The following COL8A1 variants were observed in gnomAD, a reference collection of about 807,000 sequenced individuals.
COL8A1 encodes the protein collagen alpha-1(VIII) chain.
COL8A1 carries 21 observed loss-of-function variants against 42.7 expected under a neutral mutation model. The observed-to-expected ratio is 0.49, with a 90% CI of 0.35 to 0.71. The LOEUF is 0.71. Ranked by LOEUF, COL8A1 falls within the 30% of genes least tolerant of loss-of-function variation. The probability of loss-of-function intolerance (pLI) is 0.01; values close to 1 mark genes in which losing one functional copy is unlikely to be tolerated. For missense variants in COL8A1, 788 were observed against 962.4 expected (o/e 0.82, Z 2.40); for synonymous variants, 367 against 369.1 (o/e 0.99, Z 0.06).
At chr3:99,762,797 C>A (rs1405389233) in intron 2 of COL8A1, among the ~76,000 whole-genome samples, 1 of 152,220 alleles carries the variant, frequency 6.6e-6, no homozygotes, top group Non-Finnish European at 1.5e-5. Context: ...AGAGCATGGT[C>A]GAGGAGTGTG....
Position 99,737,187 on chromosome 3 carries a change from G to A in COL8A1, c.-128-7710G>A, listed in dbSNP as rs574266449. Among the ~76,000 whole-genome samples the A allele has an allele frequency of 2.4e-3, 359 of 152,232 alleles. 1 individual carries two copies. Among genetic ancestry groups the A allele is most frequent in the South Asian group, 4.2e-3 (20 of 4,816 alleles). On this transcript the variant is annotated intron_variant, in intron 1 of 3. Coordinates refer to ENST00000652472, the MANE Select transcript of COL8A1 (RefSeq NM_020351.4). ...CTGATGCGACTTGACTCTTTATCCA[G>A]TTTGCCAGTCTGTGTCTTTTAATTG...
rs773257576 is a variant in COL8A1 at position 99,794,129 on chromosome 3, C to T, written c.329-101C>T. On this transcript the variant is annotated intron_variant, in intron 3 of 3. Coordinates refer to ENST00000652472, the MANE Select transcript of COL8A1 (RefSeq NM_020351.4). This position sits in a 1 kb window ranked among gnomAD's most constrained non-coding sequence, Gnocchi z 4.3. The stretch of plus-strand genomic sequence containing the variant: ...TAAGTATTAGGCAAATGTGTCAGAA[C>T]TAAATAATGGTTGTCAGTACTTCAT... The T allele has an allele frequency of 2.7e-6, 2 of 728,954 alleles. No individual in the cohort carries two copies. The highest frequency in any genetic ancestry group is 4.5e-6 in the Non-Finnish European group (2 of 445,780). 45.2% of individuals were successfully genotyped at this position (728,954 alleles called of 1,614,324 possible). A position where few individuals can be genotyped will look rare whatever the true frequency, so the allele number is the denominator to read the frequency against.
intron 1 of COL8A1, among the ~76,000 whole-genome samples, chr3:99,689,667 A>G (rs1005113144): frequency 6.6e-6 from 1 of 152,236 alleles, no homozygotes; most frequent in Non-Finnish European, 1.5e-5. Context: ...ATTAAATTAA[A>G]TATATGGCTA....
chr3:99,769,836 T>C (rs1414049092), intron 2 of COL8A1, among the ~76,000 whole-genome samples: 2 of 152,116 alleles, frequency 1.3e-5, no homozygotes, highest in African/African-American at 4.8e-5. Context: ...GGAGAATTGC[T>C]TGAACCCGGG....
intron 1 of COL8A1, among the ~76,000 whole-genome samples, chr3:99,723,697 C>G (rs1279004474): frequency 6.6e-6 from 1 of 152,070 alleles, no homozygotes; most frequent in Non-Finnish European, 1.5e-5. Flanking sequence ...AAACCTAAAC[C>G]TAAGTAGCAA....
chr3:99,716,585 T>A (rs373373392), intron 1 of COL8A1, among the ~76,000 whole-genome samples: 1 of 151,778 alleles, frequency 6.6e-6, no homozygotes, highest in East Asian at 1.9e-4. Context: ...CCAAACAAAA[T>A]CAAAACCCAG....
chr3:99,727,760 G>A lies in COL8A1; in HGVS notation c.-128-17137G>A, dbSNP rs552904944. Among the ~76,000 whole-genome samples the A allele has an allele frequency of 1.3e-4, 19 of 151,944 alleles. No individual in the cohort carries two copies. In the East Asian group the frequency reaches 3.1e-3, roughly 25 times the overall value. Reference sequence around the variant, plus strand: ...ATCCTCAATAAAATACTGGCAAACCGAATCCAGCAGCACATCCAAAAGCTT... The same window carrying A: ...ATCCTCAATAAAATACTGGCAAACCAAATCCAGCAGCACATCCAAAAGCTT... On this transcript the variant is annotated intron_variant, in intron 1 of 3. Transcript: ENST00000652472.
chr3:99,754,382 T>G (rs1941213105), intron 2 of COL8A1, among the ~76,000 whole-genome samples: 1 of 152,042 alleles, frequency 6.6e-6, no homozygotes, highest in Non-Finnish European at 1.5e-5. Context: ...AGTTATCCAC[T>G]GAATGCGATC....
At chr3:99,708,902 G>T (rs1356970657) in intron 1 of COL8A1, among the ~76,000 whole-genome samples, 2 of 151,686 alleles carry the variant, frequency 1.3e-5, no homozygotes, top group African/African-American at 4.8e-5. Context: ...GTATTTCCTG[G>T]AAAACTAGGC....
chr3:99,759,575 T>G (rs1941326529), intron 2 of COL8A1, among the ~76,000 whole-genome samples: 1 of 152,224 alleles, frequency 6.6e-6, no homozygotes, highest in South Asian at 2.1e-4. Context: ...CACATCCATG[T>G]TCAAACATAA....
chr3:99,669,146 T>TATATATATATATATATAGAGAGAGAG, intron 1 of COL8A1, among the ~76,000 whole-genome samples: 4 of 115,388 alleles, frequency 3.5e-5, no homozygotes, highest in East Asian at 3.1e-4. Flanking sequence ...TATATATATA[T>TATATATATATATATATAGAGAGAGAG]AGAGGGAGAG....
intron 1 of COL8A1, among the ~76,000 whole-genome samples, chr3:99,657,787 A>G (rs1938069554): frequency 1.3e-5 from 2 of 152,134 alleles, no homozygotes; most frequent in Admixed American, 6.5e-5. Context: ...TCTGCCACAC[A>G]TAGTGTTCTT....
At chr3:99,730,792 G>T (rs1196076770) in intron 1 of COL8A1, among the ~76,000 whole-genome samples, 4 of 152,080 alleles carry the variant, frequency 2.6e-5, no homozygotes, top group Admixed American at 2.6e-4. Context: ...AGCTCTCAGC[G>T]AACTCATGAA....
intron 1 of COL8A1, among the ~76,000 whole-genome samples, chr3:99,664,882 G>A (rs1441586592): frequency 2.0e-5 from 3 of 152,202 alleles, no homozygotes. Flanking sequence ...GAATGCTGGA[G>A]GGAATGAAGG....
At chr3:99,683,319 T>C (rs1212570357) in intron 1 of COL8A1, among the ~76,000 whole-genome samples, 1 of 152,082 alleles carries the variant, frequency 6.6e-6, no homozygotes, top group Non-Finnish European at 1.5e-5. Context: ...CAATAAAATA[T>C]CTGTTAAAGA....
chr3:99,737,582 C>A (rs1165445077), intron 1 of COL8A1, among the ~76,000 whole-genome samples: 1 of 152,132 alleles, frequency 6.6e-6, no homozygotes, highest in Non-Finnish European at 1.5e-5. Flanking sequence ...TGTAGGGTTT[C>A]TGCCAAGAGA....
intron 1 of COL8A1, among the ~76,000 whole-genome samples, chr3:99,716,249 C>T (rs910387129): frequency 4.6e-5 from 7 of 151,936 alleles, no homozygotes; most frequent in Non-Finnish European, 7.4e-5. Context: ...ATGAACATAA[C>T]GCAAAAGATT....
chr3:99,749,633 A>G (rs937363198), intron 2 of COL8A1, among the ~76,000 whole-genome samples: 3 of 152,336 alleles, frequency 2.0e-5, no homozygotes, highest in South Asian at 2.1e-4. Flanking sequence ...TTATGTTCCA[A>G]TAGAAATCTT....
At position 99,796,152 on chromosome 3, in the gene COL8A1, A is replaced by C; in HGVS notation, c.*16A>C. 1 of 1,453,680 alleles carries C rather than the reference A, an allele frequency of 6.9e-7. No individual in the cohort carries two copies. Among genetic ancestry groups the C allele is most frequent in the Non-Finnish European group, 9.1e-7 (1 of 1,098,074 alleles). 90.0% of individuals were successfully genotyped at this position (1,453,680 alleles called of 1,614,324 possible). ...TCCCATGTAAAAACAAAAAAACAAA[A>C]AACAAAGAAAAGAAAGAGATTTTAT... On this transcript the variant is annotated 3_prime_UTR_variant, in exon 4 of 4. Transcript: ENST00000652472.
Sources: allele counts gnomAD v4.1 joint callset (sites outside exome capture counted in the v4.1 genomes callset), GRCh38; gene constraint gnomAD v4.1.1; non-coding constraint Gnocchi (gnomAD v3.1); transcripts MANE v1.5; gene names NCBI Gene and HGNC (gene_info 2026-07-23, HGNC 2026-07-21).